The following LUZP2 variants were observed in gnomAD, a reference collection of about 807,000 sequenced individuals.
The protein encoded by LUZP2 is leucine zipper protein 2.
In LUZP2, 52 loss-of-function variants were observed where a neutral mutation model predicts 51.6. The observed-to-expected ratio is 1.01, with a 90% CI of 0.81 to 1.27. The LOEUF is 1.27. LUZP2 is among the 50% of genes most tolerant of loss of function. The probability of loss-of-function intolerance (pLI) is 0.00; values close to 1 mark genes in which losing one functional copy is unlikely to be tolerated. For missense variants in LUZP2, 436 were observed against 395.4 expected (o/e 1.10, Z -0.87); for synonymous variants, 154 against 137.3 (o/e 1.12, Z -0.85).
At chr11:24,761,294 G>A (rs994800552) in intron 4 of LUZP2, among the ~76,000 whole-genome samples, 1 of 152,098 alleles carries the variant, frequency 6.6e-6, no homozygotes, top group Non-Finnish European at 1.5e-5. Context: ...AGAAGGGGGA[G>A]AGATGCTACA....
intron 5 of LUZP2, among the ~76,000 whole-genome samples, chr11:24,841,146 A>C (rs1851017738): frequency 6.6e-6 from 1 of 151,936 alleles, no homozygotes; most frequent in Non-Finnish European, 1.5e-5. Flanking sequence ...TTAGGAGATG[A>C]AGCCTTTGGG....
intron 1 of LUZP2, among the ~76,000 whole-genome samples, chr11:24,550,468 CT>C (rs1223326431): frequency 3.3e-5 from 5 of 152,018 alleles, no homozygotes; most frequent in Non-Finnish European, 7.4e-5. Context: ...AATTAAATAT[CT>C]TAGAGTTCAA....
chr11:24,534,562 A>T (rs1457867235), intron 1 of LUZP2, among the ~76,000 whole-genome samples: 1 of 151,356 alleles, frequency 6.6e-6, no homozygotes, highest in Admixed American at 6.6e-5. Context: ...ATATATAGAG[A>T]GAGTAAACAC....
chr11:24,877,191 TAGG>T (rs1480513198), intron 5 of LUZP2, among the ~76,000 whole-genome samples: 5 of 152,148 alleles, frequency 3.3e-5, no homozygotes, highest in African/African-American at 7.2e-5. Flanking sequence ...ATAAGATTGT[TAGG>T]AGAAGTACAA....
chr11:24,715,020 C>T (rs540126543), intron 1 of LUZP2, among the ~76,000 whole-genome samples: 20 of 152,144 alleles, frequency 1.3e-4, no homozygotes, highest in Non-Finnish European at 2.9e-4. Context: ...ATCTTCTAAA[C>T]ATCTGAAAGA....
intron 1 of LUZP2, among the ~76,000 whole-genome samples, chr11:24,688,666 C>T (rs1856971111): frequency 6.6e-6 from 1 of 152,110 alleles, no homozygotes; most frequent in African/African-American, 2.4e-5. Flanking sequence ...ACTTTTACCA[C>T]TATTGACTCA....
intron 5 of LUZP2, among the ~76,000 whole-genome samples, chr11:24,817,023 A>G (rs1389987947): frequency 6.6e-6 from 1 of 152,094 alleles, no homozygotes; most frequent in African/African-American, 2.4e-5. Context: ...CTTAAAATAA[A>G]TCATTTGAGA....
intron 10 of LUZP2, among the ~76,000 whole-genome samples, chr11:25,076,178 C>A (rs1490233466): frequency 6.6e-6 from 1 of 151,976 alleles, no homozygotes; most frequent in African/African-American, 2.4e-5. Flanking sequence ...GCCACCACAC[C>A]CAGCTGCTTT....
At chr11:24,853,498 G>A (rs1006318413) in intron 5 of LUZP2, among the ~76,000 whole-genome samples, 7 of 152,012 alleles carry the variant, frequency 4.6e-5, no homozygotes, top group Admixed American at 6.6e-5. Flanking sequence ...CTATAAATGG[G>A]TTACTCTAGT....
At chr11:24,653,864 T>C (rs1855717571) in intron 1 of LUZP2, among the ~76,000 whole-genome samples, 1 of 152,168 alleles carries the variant, frequency 6.6e-6, no homozygotes, top group South Asian at 2.1e-4. Flanking sequence ...AAGTGACCAT[T>C]GGTTTTAGTA....
chr11:24,815,497 A>G (rs1850153971), intron 5 of LUZP2, among the ~76,000 whole-genome samples: 1 of 152,206 alleles, frequency 6.6e-6, no homozygotes, highest in South Asian at 2.1e-4. Flanking sequence ...AGTTACCAAT[A>G]AAAACAATTT....
chr11:25,066,544 A>G (rs1286586981), intron 10 of LUZP2, among the ~76,000 whole-genome samples: 2 of 151,994 alleles, frequency 1.3e-5, no homozygotes, highest in Non-Finnish European at 2.9e-5. Context: ...TAGCCATATA[A>G]TGAATGATCT....
At chr11:24,740,317 A>G (rs1013781514) in intron 4 of LUZP2, among the ~76,000 whole-genome samples, 2 of 152,174 alleles carry the variant, frequency 1.3e-5, no homozygotes, top group Non-Finnish European at 2.9e-5. Context: ...TTGAAAGAGC[A>G]CAAACCAAAG....
intron 1 of LUZP2, among the ~76,000 whole-genome samples, chr11:24,545,861 G>C (rs186318937): frequency 4.0e-5 from 6 of 151,898 alleles, no homozygotes; most frequent in African/African-American, 1.4e-4. Flanking sequence ...CAGTGAATTT[G>C]TAAATTGCTT....
Position 24,753,194 on chromosome 11 carries a change from T to C in LUZP2, c.334-10052T>C, listed in dbSNP as rs150934243. On this transcript the variant is annotated intron_variant, in intron 4 of 11. Transcript: ENST00000336930. ...GCAGATACATAGAATATCTTAAAAA[T>C]ACAATTGATAATTTTATTTTATTTT... Among the ~76,000 whole-genome samples the C allele has an allele frequency of 3.2e-3, 480 of 152,264 alleles. 3 individuals are homozygous for C. Among genetic ancestry groups the C allele is most frequent in the African/African-American group, 0.011 (472 of 41,560 alleles).
At chr11:24,944,640 T>C (rs1311750341) in intron 7 of LUZP2, among the ~76,000 whole-genome samples, 1 of 152,122 alleles carries the variant, frequency 6.6e-6, no homozygotes, top group Non-Finnish European at 1.5e-5. Flanking sequence ...GAACTCAAGA[T>C]TGGAAGGAGA....
intron 7 of LUZP2, among the ~76,000 whole-genome samples, chr11:24,926,391 G>A (rs1316964115): frequency 1.1e-3 from 21 of 19,156 alleles, no homozygotes; most frequent in Non-Finnish European, 1.8e-3. Flanking sequence ...ATATATATAC[G>A]TGTGTATATA....
chr11:24,847,438 ATCTG>A (rs1380913201), intron 5 of LUZP2, among the ~76,000 whole-genome samples: 5 of 152,100 alleles, frequency 3.3e-5, no homozygotes, highest in Non-Finnish European at 2.9e-5. Context: ...CTTCATCTGA[ATCTG>A]TCTAATGTTT....
At chr11:24,720,973 C>A (rs1422793316) in intron 1 of LUZP2, among the ~76,000 whole-genome samples, 1 of 152,212 alleles carries the variant, frequency 6.6e-6, no homozygotes, top group Admixed American at 6.5e-5. Flanking sequence ...AAGCGTGAGC[C>A]AGACCTGTTC....
Sources: allele counts gnomAD v4.1 joint callset (sites outside exome capture counted in the v4.1 genomes callset), GRCh38; gene constraint gnomAD v4.1.1; transcripts MANE v1.5; gene names NCBI Gene and HGNC (gene_info 2026-07-23, HGNC 2026-07-21).